SDK1: variants seen among roughly 807,000 people sequenced by gnomAD.
SDK1 encodes protein sidekick-1.
Under a neutral mutation model 245.5 loss-of-function variants are expected in SDK1, and 157 were observed. That is an observed-to-expected ratio of 0.64 (90% CI 0.56 to 0.73). The LOEUF is 0.73. SDK1 is among the 30% of genes least tolerant of loss of function. The probability of loss-of-function intolerance (pLI) is 0.00; values close to 1 mark genes in which losing one functional copy is unlikely to be tolerated. For missense variants in SDK1, 3,583 were observed against 3,002.3 expected (o/e 1.19, Z -4.52); for synonymous variants, 1,647 against 1,278.5 (o/e 1.29, Z -6.15).
chr7:3,494,070 G>C (rs940873996), intron 1 of SDK1, among the ~76,000 whole-genome samples: 2 of 152,036 alleles, frequency 1.3e-5, no homozygotes, highest in African/African-American at 2.4e-5. Context: ...GGTAAACTCT[G>C]ATCTCATTTA....
rs192181101 is a variant in SDK1, at chr7:3,328,038, G to C, written c.298+26154G>C. Among the ~76,000 whole-genome samples the C allele has an allele frequency of 1.1e-3, 165 of 152,194 alleles. 2 individuals are homozygous for C. Among genetic ancestry groups the C allele is most frequent in the African/African-American group, 3.8e-3 (157 of 41,524 alleles). On this transcript the variant is annotated intron_variant, in intron 1 of 44. Coordinates refer to ENST00000404826, the MANE Select transcript of SDK1 (RefSeq NM_152744.4). Reference sequence around the variant, plus strand: ...TGTGAAAATTAGATTACTATGTGGAGCATATTCAGAATAGAACTGCCTAAA... The same window carrying C: ...TGTGAAAATTAGATTACTATGTGGACCATATTCAGAATAGAACTGCCTAAA...
At chr7:3,660,405 CACAT>C (rs1350834101) in intron 4 of SDK1, among the ~76,000 whole-genome samples, 1 of 151,396 alleles carries the variant, frequency 6.6e-6, no homozygotes, top group Non-Finnish European at 1.5e-5. Flanking sequence ...AACAAGCAAA[CACAT>C]AAATAAAGTA....
chr7:3,899,476 G>T (rs1007814939), intron 5 of SDK1, among the ~76,000 whole-genome samples: 1 of 152,208 alleles, frequency 6.6e-6, no homozygotes, highest in Non-Finnish European at 1.5e-5. Flanking sequence ...TGTCTAGGAA[G>T]GGGGAGCAGT....
chr7:4,131,514 C>T (rs768725238), intron 27 of SDK1, among the ~76,000 whole-genome samples: 1 of 152,318 alleles, frequency 6.6e-6, no homozygotes, highest in East Asian at 1.9e-4. Flanking sequence ...ACGTCAGCGG[C>T]CCAGAACGAC....
rs1281501511 is a variant in SDK1 at position 3,754,507 on chromosome 7, T to C, written c.714-66943T>C. ...AGATATTCTATCAAGGTCAGTAACATTGTATCTGTCAAAGAAAAGTTTTAC... is the reference window on the plus strand; with the variant it reads ...AGATATTCTATCAAGGTCAGTAACACTGTATCTGTCAAAGAAAAGTTTTAC... On this transcript the variant is annotated intron_variant, in intron 4 of 44. Coordinates refer to ENST00000404826, the MANE Select transcript of SDK1 (RefSeq NM_152744.4). 5.3e-5 allele frequency among the ~76,000 whole-genome samples: 8 copies of C among 149,620 alleles called. 1 individual carries two copies. In the South Asian group the frequency reaches 8.3e-4, roughly 16 times the overall value.
chr7:3,562,149 T>G (rs1279830199), intron 1 of SDK1, among the ~76,000 whole-genome samples: 1 of 152,200 alleles, frequency 6.6e-6, no homozygotes, highest in Non-Finnish European at 1.5e-5. Flanking sequence ...CTTGGATGTT[T>G]CGGAAACTGC....
At position 4,006,864 on chromosome 7, in the gene SDK1, G is replaced by A. The variant is rs530703533; in HGVS notation, c.2132-4102G>A. ...GGACTTTCAGGAGCTGTTTACACTCGGAGTGAACAAACAGCCAGGATCAGG... is the reference window on the plus strand; with the variant it reads ...GGACTTTCAGGAGCTGTTTACACTCAGAGTGAACAAACAGCCAGGATCAGG... On this transcript the variant is annotated intron_variant, in intron 14 of 44. Transcript: ENST00000404826. Among the ~76,000 whole-genome samples, 23 of 152,330 alleles carry A rather than the reference G, an allele frequency of 1.5e-4. No homozygotes were observed. In the East Asian group the frequency reaches 3.9e-3, roughly 26 times the overall value.
At chr7:3,558,963 G>A (rs977343327) in intron 1 of SDK1, among the ~76,000 whole-genome samples, 1 of 152,124 alleles carries the variant, frequency 6.6e-6, no homozygotes, top group Non-Finnish European at 1.5e-5. Flanking sequence ...TACTTAGATT[G>A]TTTGAAAGAA....
intron 1 of SDK1, among the ~76,000 whole-genome samples, chr7:3,354,743 C>T (rs1780747937): frequency 6.6e-6 from 1 of 152,136 alleles, no homozygotes; most frequent in Admixed American, 6.5e-5. Flanking sequence ...TAACCCCTGC[C>T]CTTATTACAA....
chr7:3,862,204 C>A (rs1231764761), intron 5 of SDK1, among the ~76,000 whole-genome samples: 1 of 152,170 alleles, frequency 6.6e-6, no homozygotes, highest in Non-Finnish European at 1.5e-5. Flanking sequence ...ATATTTGAAC[C>A]ACATGGCGGA....
intron 1 of SDK1, among the ~76,000 whole-genome samples, chr7:3,528,955 G>C (rs1430597972): frequency 1.3e-5 from 2 of 152,164 alleles, no homozygotes; most frequent in Non-Finnish European, 2.9e-5. Flanking sequence ...AATCAGGCCA[G>C]GGTTTAAAGG....
chr7:3,834,844 G>A (rs540108031), intron 5 of SDK1, among the ~76,000 whole-genome samples: 104 of 152,264 alleles, frequency 6.8e-4, no homozygotes, highest in Admixed American at 1.0e-3. Context: ...TGTGAAGTGA[G>A]GCCTTTTTAC....
At chr7:3,849,545 A>G (rs1307694268) in intron 5 of SDK1, among the ~76,000 whole-genome samples, 1 of 152,220 alleles carries the variant, frequency 6.6e-6, no homozygotes, top group African/African-American at 2.4e-5. Flanking sequence ...TCAATGGTTG[A>G]GAGGGTAATT....
At chr7:3,907,012 C>G (rs181596246) in intron 5 of SDK1, among the ~76,000 whole-genome samples, 5 of 152,192 alleles carry the variant, frequency 3.3e-5, no homozygotes, top group African/African-American at 1.2e-4. Flanking sequence ...AAATTTCCTT[C>G]TTATATTTCA....
intron 1 of SDK1, among the ~76,000 whole-genome samples, chr7:3,352,149 T>G (rs939545199): frequency 3.4e-5 from 5 of 148,814 alleles, no homozygotes; most frequent in Admixed American, 1.3e-4. Context: ...TATAAATATA[T>G]ATTTATAAAA....
intron 1 of SDK1, among the ~76,000 whole-genome samples, chr7:3,417,600 C>G (rs1229892150): frequency 6.6e-6 from 1 of 152,160 alleles, no homozygotes; most frequent in African/African-American, 2.4e-5. Flanking sequence ...GCTCATTAAC[C>G]TCTGTGTTTC....
chr7:4,186,392 C>G (rs1013006108), intron 35 of SDK1, among the ~76,000 whole-genome samples: 9 of 152,212 alleles, frequency 5.9e-5, no homozygotes, highest in Non-Finnish European at 1.2e-4. Context: ...TTTGTTATCC[C>G]CAGGGTCGCT....
intron 1 of SDK1, among the ~76,000 whole-genome samples, chr7:3,607,811 C>T (rs1351857033): frequency 2.0e-5 from 3 of 152,202 alleles, no homozygotes; most frequent in Admixed American, 6.5e-5. Context: ...GGAACTAACA[C>T]GTAGATTGTG....
intron 4 of SDK1, among the ~76,000 whole-genome samples, chr7:3,778,420 C>A (rs1242290987): frequency 6.6e-6 from 1 of 152,124 alleles, no homozygotes; most frequent in Non-Finnish European, 1.5e-5. Context: ...AACGCTATTT[C>A]CCATTGCACG....
Sources: allele counts gnomAD v4.1 joint callset (sites outside exome capture counted in the v4.1 genomes callset), GRCh38; gene constraint gnomAD v4.1.1; transcripts MANE v1.5; gene names NCBI Gene and HGNC (gene_info 2026-07-23, HGNC 2026-07-21).